PDE4DIP: variants seen among roughly 807,000 people sequenced by gnomAD.
The protein encoded by PDE4DIP is myomegalin.
In PDE4DIP, 59 loss-of-function variants were observed where a neutral mutation model predicts 221.4. The observed-to-expected ratio is 0.27, with a 90% CI of 0.22 to 0.33. The LOEUF is 0.33. Among genes scored for constraint, PDE4DIP ranks in the 10% least tolerant of loss-of-function variants. The pLI, the probability that PDE4DIP is intolerant of heterozygous loss-of-function variation, is 1.00. For synonymous variants in PDE4DIP, 404 were observed against 815.9 expected, an observed-to-expected ratio of 0.50 and a Z score of 8.60; for missense variants, 1,036 against 2,154.2, an observed-to-expected ratio of 0.48 and a Z score of 10.28.
At chr1:148,976,647 CAATA>C (rs1205015540) in intron 17 of PDE4DIP, among the ~76,000 whole-genome samples, 4 of 151,956 alleles carry the variant, frequency 2.6e-5, no homozygotes, top group Middle Eastern at 3.4e-3. Flanking sequence ...GAGATACAGA[CAATA>C]AATAAATAAA....
At chr1:148,930,642 C>T (rs2047763830) in intron 2 of PDE4DIP, 1 of 149,858 alleles carries the variant, frequency 6.7e-6, no homozygotes, top group African/African-American at 2.5e-5. Context: ...TACATCTAAC[C>T]AAGGAGGTGA....
At chr1:149,015,025 T>C (rs2069946599) in intron 32 of PDE4DIP, among the ~76,000 whole-genome samples, 1 of 152,002 alleles carries the variant, frequency 6.6e-6, no homozygotes, top group Non-Finnish European at 1.5e-5. Flanking sequence ...TAGGAAATCA[T>C]GTATTTGTTG....
At chr1:148,890,586 T>TG (rs1395628588) in intron 1 of PDE4DIP, among the ~76,000 whole-genome samples, 1 of 119,128 alleles carries the variant, frequency 8.4e-6, no homozygotes, top group Non-Finnish European at 1.8e-5. Context: ...AAACTCCATC[T>TG]CTACTTAAAA....
At chr1:148,949,213 G>T (rs1230976700) in intron 5 of PDE4DIP, among the ~76,000 whole-genome samples, 1 of 151,218 alleles carries the variant, frequency 6.6e-6, no homozygotes, top group Non-Finnish European at 1.5e-5. Flanking sequence ...GTTATTTAAA[G>T]TATGTAATAC....
chr1:148,962,939 T>C (rs587599675), intron 9 of PDE4DIP, among the ~76,000 whole-genome samples: 3 of 152,286 alleles, frequency 2.0e-5, no homozygotes, highest in Admixed American at 1.3e-4. Flanking sequence ...GTCGCCAAGG[T>C]TGGAGTGCAG....
intron 38 of PDE4DIP, chr1:149,025,588 T>C (rs2074921717): frequency 6.6e-6 from 1 of 150,712 alleles, no homozygotes; most frequent in Non-Finnish European, 1.5e-5. Context: ...TCATTCAATT[T>C]CTACTTCCTC....
Position 148,960,636 on chromosome 1 carries a change from T to TTTGCCGTTTCTTCC in PDE4DIP, c.637-16_637-3dup, listed in dbSNP as rs1356031674. The TTTGCCGTTTCTTCC allele has an allele frequency of 0.15, 55,345 of 357,202 alleles. 4,703 individuals are homozygous for TTTGCCGTTTCTTCC. The highest frequency in any genetic ancestry group is 0.19 in the Non-Finnish European group (40,626 of 210,832). The allele number at this position is 357,202 out of a possible 1,614,324, so 22.1% of individuals were successfully genotyped here. A position where few individuals can be genotyped will look rare whatever the true frequency, so the allele number is the denominator to read the frequency against. On this transcript the variant is annotated splice_polypyrimidine_tract_variant and intron_variant, in intron 5 of 43. Transcript: ENST00000369354. ...GCCATGTTTAACTCACCTTACTCGTTTTGCCGTTTCTTCCTAGCCCATGAC... is the reference window on the plus strand; with the variant it reads ...GCCATGTTTAACTCACCTTACTCGTTTTGCCGTTTCTTCCTTGCCGTTTCTTCCTAGCCCATGAC...
At chr1:148,974,885 C>T (rs372839285) in intron 17 of PDE4DIP, among the ~76,000 whole-genome samples, 5 of 81,492 alleles carry the variant, frequency 6.1e-5, no homozygotes, top group Admixed American at 3.0e-4. Flanking sequence ...TTGTAAAGGC[C>T]GGGTGCAGTG....
At chr1:148,929,894 G>T (rs2047480441) in intron 2 of PDE4DIP, 1 of 152,814 alleles carries the variant, frequency 6.5e-6, no homozygotes, top group Non-Finnish European at 1.5e-5. Context: ...ATAAATTTTG[G>T]TATTACTACA....
intron 1 of PDE4DIP, among the ~76,000 whole-genome samples, chr1:148,912,047 C>T (rs776772580): frequency 3.4e-5 from 5 of 145,728 alleles, no homozygotes; most frequent in South Asian, 4.4e-4. Flanking sequence ...CACCAAGAGG[C>T]GGGGATCATG....
intron 22 of PDE4DIP, among the ~76,000 whole-genome samples, chr1:148,996,209 A>C (rs1211209352): frequency 6.6e-6 from 1 of 152,178 alleles, no homozygotes; most frequent in East Asian, 1.9e-4. Context: ...AAAGTTAGAC[A>C]TTATTTTTAA....
At chr1:148,979,980 C>T in intron 20 of PDE4DIP, 131 bp downstream of exon 23, 1 of 1,223,122 alleles carries the variant, frequency 8.2e-7, no homozygotes, top group South Asian at 1.4e-5. Flanking sequence ...AAAAGAGGGA[C>T]AATTACCGGG....
intron 27 of PDE4DIP, 53 bp downstream of exon 30, chr1:149,005,490 G>A (rs1553596140): frequency 7.9e-7 from 1 of 1,259,190 alleles, no homozygotes; most frequent in African/African-American, 1.5e-5. Flanking sequence ...GTAAGTTCAT[G>A]CTTGGCGTAG....
At chr1:149,000,379 A>T (rs868944866) in intron 23 of PDE4DIP, among the ~76,000 whole-genome samples, 2 of 152,152 alleles carry the variant, frequency 1.3e-5, no homozygotes, top group South Asian at 4.2e-4. Flanking sequence ...ACATGGTGAA[A>T]CCCCTTCGCT....
At chr1:148,953,794 C>T in intron 5 of PDE4DIP, 1 of 1,451,656 alleles carries the variant, frequency 6.9e-7, no homozygotes, top group Non-Finnish European at 9.6e-7. Context: ...GTTTCCTTAA[C>T]AGGTCTTTGA....
At chr1:148,934,844 T>C (rs1573756769) in intron 4 of PDE4DIP, among the ~76,000 whole-genome samples, 1 of 152,114 alleles carries the variant, frequency 6.6e-6, no homozygotes, top group Non-Finnish European at 1.5e-5. Context: ...CCTCAGGTGA[T>C]CCGCCTGCCT....
chr1:148,897,764 GA>G (rs2039661684), intron 1 of PDE4DIP, among the ~76,000 whole-genome samples: 1 of 141,132 alleles, frequency 7.1e-6, no homozygotes, highest in African/African-American at 2.6e-5. Flanking sequence ...TAGCCTGGGT[GA>G]CAGAGTGAGA....
chr1:148,978,139 C>T (rs1308696599), intron 18 of PDE4DIP, 86 bp downstream of exon 21: 109 of 1,357,078 alleles, frequency 8.0e-5, no homozygotes, highest in Middle Eastern at 5.5e-4. Flanking sequence ...TTGCACACAT[C>T]GAATCCCTTG....
Position 148,981,080 on chromosome 1 carries a change from T to TCCTTA in PDE4DIP, c.2688-188_2688-184dup, listed in dbSNP as rs1559138624. Reference sequence around the variant, plus strand: ...GGCAAGCTTTTAAAAAAAGCAACAGTCCTTACTAATCTATCAGCAGTGAAC... The same window carrying TCCTTA: ...GGCAAGCTTTTAAAAAAAGCAACAGTCCTTACCTTACTAATCTATCAGCAGTGAAC... On this transcript the variant is annotated intron_variant, in intron 20 of 43. Transcript: ENST00000369354. 3.3e-5 allele frequency among the ~76,000 whole-genome samples: 5 copies of TCCTTA among 152,286 alleles called. No individual in the cohort carries two copies. In the South Asian group the frequency reaches 1.0e-3, roughly 32 times the overall value.
Sources: allele counts gnomAD v4.1 joint callset (sites outside exome capture counted in the v4.1 genomes callset), GRCh38; gene constraint gnomAD v4.1.1; transcripts MANE v1.5; gene names NCBI Gene and HGNC (gene_info 2026-07-23, HGNC 2026-07-21).